The following GBP2 variants were observed in gnomAD, a reference collection of about 807,000 sequenced individuals.
The protein encoded by GBP2 is guanylate-binding protein 2.
In GBP2, 54 loss-of-function variants were observed where a neutral mutation model predicts 60.8. That is an observed-to-expected ratio of 0.89 (90% CI 0.71 to 1.11). The LOEUF (loss-of-function observed/expected upper bound fraction) is 1.11, where lower values mean the gene tolerates loss of function less well. GBP2 is among the 50% of genes most tolerant of loss of function. GBP2 has a pLI of 0.00. For missense variants in GBP2, 665 were observed against 703.3 expected (o/e 0.95, Z 0.62); for synonymous variants, 243 against 256.5 (o/e 0.95, Z 0.50).
intron 7 of GBP2, among the ~76,000 whole-genome samples, chr1:89,113,487 C>G (rs913421126): frequency 6.6e-6 from 1 of 152,158 alleles, no homozygotes; most frequent in Non-Finnish European, 1.5e-5. Context: ...GCCTTCCTAG[C>G]TAGGGAAAGG....
chr1:89,112,413 G>T, intron 8 of GBP2, 59 bp downstream of exon 8: 1 of 1,422,124 alleles, frequency 7.0e-7, no homozygotes, highest in South Asian at 1.2e-5. Context: ...TCTTCCCAGT[G>T]GGCTTTAAAA....
At chr1:89,114,767 GC>G (rs1405299705) in intron 6 of GBP2, among the ~76,000 whole-genome samples, 1 of 152,160 alleles carries the variant, frequency 6.6e-6, no homozygotes, top group Non-Finnish European at 1.5e-5. Flanking sequence ...CATCGAGTTT[GC>G]CAGGGCTTTG....
At chr1:89,124,712 ACTTGTT>A (rs1470454840) in intron 1 of GBP2, among the ~76,000 whole-genome samples, 1 of 152,102 alleles carries the variant, frequency 6.6e-6, no homozygotes, top group Non-Finnish European at 1.5e-5. Context: ...ACAGGACATC[ACTTGTT>A]CTTAATATTT....
In GBP2 at chr1:89,110,236, A is replaced by T; in HGVS notation, c.1393T>A (p.Ser465Thr). ...AGTGCATCAGCCACATCCTCCTTGG[A>T]CTCCAAATATTTTTTCAGCACCTCT... ...AKEVLKKYLESKEDVADALLQ... is the reference protein window; with the variant it reads ...AKEVLKKYLETKEDVADALLQ... The change falls in exon 9 of 11, where the codon TCC becomes ACC. Residue 465 changes from serine to threonine, a missense_variant. Coordinates refer to ENST00000370466, the MANE Select transcript of GBP2 (RefSeq NM_004120.5). 1 of 1,613,574 alleles carries T rather than the reference A, an allele frequency of 6.2e-7. No homozygotes were observed. Among genetic ancestry groups the T allele is most frequent in the South Asian group, 1.1e-5 (1 of 91,044 alleles).
Position 89,121,150 on chromosome 1 carries a change from A to G in GBP2, c.311T>C (p.Ile104Thr), listed in dbSNP as rs201393649. The G allele has an allele frequency of 3.7e-6, 6 of 1,611,724 alleles. No homozygotes were observed. Among genetic ancestry groups the G allele is most frequent in the South Asian group, 3.3e-5 (3 of 90,862 alleles). ...VLLDTEGLGD[I>T]EKGDNENDSW... Reference sequence around the variant, plus strand: ...AATACTTATTTTTTTTACCTTCTCTATATCTCCCAGGCCCTCAGTGTCGAG... The same window carrying G: ...AATACTTATTTTTTTTACCTTCTCTGTATCTCCCAGGCCCTCAGTGTCGAG... The change falls in exon 3 of 11, where the codon ATA (isoleucine) becomes ACA (threonine). Residue 104 changes from isoleucine to threonine, a missense_variant. Coordinates refer to ENST00000370466, the MANE Select transcript of GBP2 (RefSeq NM_004120.5).
intron 8 of GBP2, among the ~76,000 whole-genome samples, 182 bp from the exon 9 acceptor site, chr1:89,110,448 C>T (rs889962315): frequency 6.6e-6 from 1 of 152,102 alleles, no homozygotes; most frequent in African/African-American, 2.4e-5. Context: ...AAATGCCCAT[C>T]AATTAATGAG....
At chr1:89,115,261 T>A (rs1218133075) in intron 6 of GBP2, among the ~76,000 whole-genome samples, 1 of 152,204 alleles carries the variant, frequency 6.6e-6, no homozygotes, top group Admixed American at 6.5e-5. Context: ...TATGTTCGGA[T>A]CTTGTCCATT....
chr1:89,114,028 C>T lies in GBP2; in HGVS notation c.1137G>A (p.Gln379=). ...ACACCAAATATACCCCTAATTTCCT[C>T]TGGAACATTTGGTCCACATCCTTGA... is the stretch of plus-strand genomic sequence containing the variant. ...NSFKDVDQMF[Q]RKLGAQLEAR... is the part of the protein sequence containing the mutation. The change falls in exon 7 of 11, where the codon CAG becomes CAA. Residue 379 remains glutamine (Q), a synonymous_variant. Coordinates refer to ENST00000370466, the MANE Select transcript of GBP2 (RefSeq NM_004120.5). 6.2e-7 allele frequency: 1 copy of T among 1,614,212 alleles called. No homozygotes were observed. The highest frequency in any genetic ancestry group is 8.5e-7 in the Non-Finnish European group (1 of 1,180,026).
At position 89,109,698 on chromosome 1, in the gene GBP2, C is replaced by G. The variant is rs767478778; in HGVS notation, c.1638G>C (p.Lys546Asn). ...ATACCTGAAGTTTAAGAGCGAGGGTCTTCTCTTGCTCTGCCATTAACTGGG... is the reference window on the plus strand; with the variant it reads ...ATACCTGAAGTTTAAGAGCGAGGGTGTTCTCTTGCTCTGCCATTAACTGGG... ...DRAQLMAEQE[K>N]TLALKLQEQE... Residue 546 changes from lysine (K) to asparagine (N), a missense_variant, in exon 10 of 11, where the codon AAG (lysine) becomes AAC (asparagine). Transcript: ENST00000370466. 3.9e-5 allele frequency: 63 copies of G among 1,613,630 alleles called. No individual in the cohort carries two copies. Among genetic ancestry groups the G allele is most frequent in the Admixed American group, 5.0e-5 (3 of 59,976 alleles).
At chr1:89,113,458 G>A (rs142512619) in intron 7 of GBP2, among the ~76,000 whole-genome samples, 10 of 152,262 alleles carry the variant, frequency 6.6e-5, no homozygotes, top group African/African-American at 2.4e-4. Context: ...CTGTAGCAAC[G>A]TATCATTTAT....
chr1:89,107,058 G>A lies in GBP2; in HGVS notation c.*1117C>T, dbSNP rs1681072084. 1 of 152,044 alleles carries A rather than the reference G, an allele frequency of 6.6e-6. No homozygotes were observed. Among genetic ancestry groups the A allele is most frequent in the Admixed American group, 6.5e-5 (1 of 15,274 alleles). The allele number at this position is 152,044 out of a possible 1,614,324, so 9.4% of individuals were successfully genotyped here. ...CTGGAGCATCGGTGTGCAACCTAATGGTATTAAAAAGTAAATTACTTTTTA... is the reference window on the plus strand; with the variant it reads ...CTGGAGCATCGGTGTGCAACCTAATAGTATTAAAAAGTAAATTACTTTTTA... On this transcript the variant is annotated 3_prime_UTR_variant, in exon 11 of 11. Coordinates refer to ENST00000370466, the MANE Select transcript of GBP2 (RefSeq NM_004120.5).
In GBP2 at chr1:89,117,071, TTGTTCTATGAAA is replaced by T; in HGVS notation, c.777_788del (p.Asp259_Gln263delinsGlu). 1 of 1,614,132 alleles carries T rather than the reference TTGTTCTATGAAA, an allele frequency of 6.2e-7. No individual in the cohort carries two copies. The highest frequency in any genetic ancestry group is 8.5e-7 in the Non-Finnish European group (1 of 1,180,018). ...GGATGTAGGAACAAAATTCTGCAAC[TTGTTCTATGAAA>T]TCAGGGTTCAGCTCTTCCTCCTTTA... On this transcript the variant is annotated inframe_deletion, in exon 6 of 11. Coordinates refer to ENST00000370466, the MANE Select transcript of GBP2 (RefSeq NM_004120.5).
intron 2 of GBP2, 45 bp downstream of exon 2, chr1:89,121,732 T>C (rs746601262): frequency 4.4e-6 from 7 of 1,581,556 alleles, no homozygotes; most frequent in Non-Finnish European, 6.0e-6. Context: ...ATGTTCGCCG[T>C]GTGTACGGAC....
chr1:89,122,034 C>G (rs750440241), intron 1 of GBP2, 51 bp from the exon 2 acceptor site: 10 of 1,351,136 alleles, frequency 7.4e-6, no homozygotes, highest in Non-Finnish European at 9.0e-6. Flanking sequence ...AGGTAGTTAG[C>G]TATGCTGAAC....
chr1:89,110,073 T>C (rs1681132813), intron 9 of GBP2, 91 bp downstream of exon 9: 1 of 1,011,264 alleles, frequency 9.9e-7, no homozygotes, highest in South Asian at 1.4e-5. Flanking sequence ...TGCCATTCTT[T>C]CTCTACAATA....
chr1:89,125,178 A>G (rs1317444277), intron 1 of GBP2, among the ~76,000 whole-genome samples: 2 of 152,174 alleles, frequency 1.3e-5, no homozygotes, highest in Non-Finnish European at 1.5e-5. Flanking sequence ...ACAATCATAG[A>G]CTGTAAGCAT....
In GBP2 at chr1:89,108,162, G is replaced by T. The variant is rs1681091052; in HGVS notation, c.*13C>A. 6.6e-7 allele frequency: 1 copy of T among 1,514,122 alleles called. No individual in the cohort carries two copies. Among genetic ancestry groups the T allele is most frequent in the Non-Finnish European group, 9.1e-7 (1 of 1,094,194 alleles). The allele number at this position is 1,514,122 out of a possible 1,614,324, so 93.8% of individuals were successfully genotyped here. On this transcript the variant is annotated 3_prime_UTR_variant, in exon 11 of 11. Transcript: ENST00000370466. ...AGAGGGAGCTGGACAGGCAAATTTT[G>T]CTCCTTGGACTTTTAGAGTATGTTA...
At chr1:89,109,083 C>T (rs10922570) in intron 10 of GBP2, among the ~76,000 whole-genome samples, 7,873 of 151,972 alleles carry the variant, frequency 0.052, 676 homozygotes, top group African/African-American at 0.18. Flanking sequence ...TTGATAGAGA[C>T]GGGGTTTCTC....
intron 9 of GBP2, 125 bp from the exon 10 acceptor site, chr1:89,109,995 G>T (rs1557437652): frequency 2.0e-6 from 2 of 1,014,746 alleles, no homozygotes; most frequent in Non-Finnish European, 2.8e-6. Context: ...ATTTTGCCTT[G>T]GGTAACCAGA....
Sources: gnomAD v4.1 joint callset for allele counts (sites outside exome capture counted in the v4.1 genomes callset) on GRCh38, gnomAD v4.1.1 for gene constraint, MANE v1.5 for transcripts, NCBI Gene and HGNC (gene_info 2026-07-23, HGNC 2026-07-21) for gene names.